IL1RAPL2: variants seen among roughly 807,000 people sequenced by gnomAD.
The protein encoded by IL1RAPL2 is interleukin 1 receptor accessory protein like 2.
In IL1RAPL2, 3 loss-of-function variants were observed where a neutral mutation model predicts 44.1. The observed-to-expected ratio is 0.07, with a 90% CI of 0.03 to 0.18. The LOEUF (loss-of-function observed/expected upper bound fraction) is 0.18, where lower values mean the gene tolerates loss of function less well. Ranked by LOEUF, IL1RAPL2 falls within the 10% of genes least tolerant of loss-of-function variation. The probability of loss-of-function intolerance (pLI) is 1.00; values close to 1 mark genes in which losing one functional copy is unlikely to be tolerated. For missense variants in IL1RAPL2, 391 were observed against 496.4 expected, an observed-to-expected ratio of 0.79 and a Z score of 2.02; for synonymous variants, 181 against 178.8, an observed-to-expected ratio of 1.01 and a Z score of -0.10.
chrX:105,152,471 T>C (rs1289017705), intron 2 of IL1RAPL2, among the ~76,000 whole-genome samples: 1 of 112,416 alleles, frequency 8.9e-6, no homozygotes, highest in Admixed American at 9.4e-5. Context: ...AGACATTTTA[T>C]GTGCCCTATA....
intron 6 of IL1RAPL2, among the ~76,000 whole-genome samples, chrX:105,670,224 C>CT (rs34713102): frequency 1.7e-4 from 13 of 78,531 alleles, no homozygotes; most frequent in Middle Eastern, 7.0e-3. Context: ...ATTTTTCCTA[C>CT]TTTTTTTTTT....
intron 6 of IL1RAPL2, among the ~76,000 whole-genome samples, chrX:105,704,356 C>G (rs1279620510): frequency 9.0e-6 from 1 of 111,435 alleles, no homozygotes; most frequent in African/African-American, 3.3e-5. Flanking sequence ...ATCAACTCAA[C>G]TAAGATATCT....
chrX:105,433,539 T>C (rs980404593), intron 5 of IL1RAPL2, among the ~76,000 whole-genome samples: 1 of 111,627 alleles, frequency 9.0e-6, no homozygotes, highest in Non-Finnish European at 1.9e-5. Context: ...AATTTACTTA[T>C]GTGAGCTTAA....
chrX:105,173,406 G>A (rs1234912369), intron 2 of IL1RAPL2, among the ~76,000 whole-genome samples: 1 of 111,937 alleles, frequency 8.9e-6, no homozygotes, highest in Non-Finnish European at 1.9e-5. Flanking sequence ...CTAGAGGGAG[G>A]AGAGTTTCCT....
chrX:105,755,402 G>A (rs1159829131), intron 10 of IL1RAPL2, 55 bp downstream of exon 10: 13 of 913,064 alleles, frequency 1.4e-5, no homozygotes, highest in Non-Finnish European at 9.2e-6. Context: ...AGGATGTTAT[G>A]TGAAGGCTTC....
chrX:105,170,941 A>C (rs1019791201), intron 2 of IL1RAPL2, among the ~76,000 whole-genome samples: 14 of 111,820 alleles, frequency 1.3e-4, no homozygotes, highest in Non-Finnish European at 2.4e-4. Flanking sequence ...GCCTGTGCCT[A>C]GGTTCCCCCA....
intron 5 of IL1RAPL2, among the ~76,000 whole-genome samples, chrX:105,434,004 T>G (rs756865726): frequency 9.0e-6 from 1 of 111,223 alleles, no homozygotes; most frequent in Non-Finnish European, 1.9e-5. Flanking sequence ...AAACTCGAAT[T>G]TATAATATTT....
intron 2 of IL1RAPL2, among the ~76,000 whole-genome samples, chrX:104,804,716 T>TACCTCCTG (rs1932909101): frequency 1.3e-4 from 15 of 112,261 alleles, no homozygotes; most frequent in African/African-American, 4.5e-4. Flanking sequence ...TAGGATATGT[T>TACCTCCTG]CAAGATTATT....
chrX:105,034,332 G>C (rs946987997), intron 2 of IL1RAPL2, among the ~76,000 whole-genome samples: 1 of 111,814 alleles, frequency 8.9e-6, no homozygotes. Context: ...TTTCTGCTCT[G>C]TTTTTTCCCC....
At chrX:104,946,236 G>A (rs1173130922) in intron 2 of IL1RAPL2, among the ~76,000 whole-genome samples, 3 of 100,130 alleles carry the variant, frequency 3.0e-5, no homozygotes, top group South Asian at 4.9e-4. Flanking sequence ...AGCCAGGCGC[G>A]GTGGCGGGCG....
intron 1 of IL1RAPL2, among the ~76,000 whole-genome samples, chrX:104,657,971 A>G (rs768301830): frequency 3.6e-5 from 4 of 112,271 alleles, no homozygotes; most frequent in Non-Finnish European, 5.6e-5. Context: ...GAAACAACAG[A>G]TGCTGGAGAG....
intron 2 of IL1RAPL2, among the ~76,000 whole-genome samples, chrX:104,716,225 G>A (rs1163098953): frequency 9.0e-6 from 1 of 111,306 alleles, no homozygotes; most frequent in Non-Finnish European, 1.9e-5. Flanking sequence ...AATGACTAAC[G>A]ATATGCAGAA....
At chrX:104,685,109 T>C (rs763801961) in intron 2 of IL1RAPL2, among the ~76,000 whole-genome samples, 1 of 112,289 alleles carries the variant, frequency 8.9e-6, no homozygotes, top group Non-Finnish European at 1.9e-5. Context: ...CTAGGTTTAT[T>C]TGTTCAATAA....
chrX:105,357,295 C>T (rs996717474), intron 5 of IL1RAPL2, among the ~76,000 whole-genome samples: 1 of 111,341 alleles, frequency 9.0e-6, no homozygotes, highest in African/African-American at 3.3e-5. Flanking sequence ...AGAAAGTATT[C>T]GTAGAGGGTA....
At chrX:104,703,129 G>A (rs1454369761) in intron 2 of IL1RAPL2, among the ~76,000 whole-genome samples, 1 of 111,334 alleles carries the variant, frequency 9.0e-6, no homozygotes, top group Non-Finnish European at 1.9e-5. Context: ...TAGCTCTAAG[G>A]ATGCTGGTCT....
chrX:105,114,781 C>G (rs151289801), intron 2 of IL1RAPL2, among the ~76,000 whole-genome samples: 52 of 112,019 alleles, frequency 4.6e-4, no homozygotes, highest in African/African-American at 1.6e-3. Flanking sequence ...CAGCTTTTTC[C>G]CCTCTTCAGT....
chrX:105,660,996 G>A (rs1257765774), intron 6 of IL1RAPL2, among the ~76,000 whole-genome samples: 1 of 110,059 alleles, frequency 9.1e-6, no homozygotes, highest in African/African-American at 3.3e-5. Flanking sequence ...TGGTTGGATA[G>A]ATTTAAAAAA....
intron 6 of IL1RAPL2, among the ~76,000 whole-genome samples, chrX:105,622,011 A>T (rs2037421530): frequency 9.1e-6 from 1 of 109,863 alleles, no homozygotes; most frequent in Non-Finnish European, 1.9e-5. Context: ...GTTCAGTGGC[A>T]CTTACTCCTC....
intron 2 of IL1RAPL2, among the ~76,000 whole-genome samples, chrX:104,769,473 T>A (rs1309980120): frequency 8.9e-6 from 1 of 112,286 alleles, no homozygotes; most frequent in African/African-American, 3.2e-5. Context: ...ACAGAAAAGA[T>A]CATACACATT....
Sources: gnomAD v4.1 joint callset for allele counts (sites outside exome capture counted in the v4.1 genomes callset) on GRCh38, gnomAD v4.1.1 for gene constraint, MANE v1.5 for transcripts, NCBI Gene and HGNC (gene_info 2026-07-23, HGNC 2026-07-21) for gene names.